Variants in NUP133 observed in about 807,000 individuals in gnomAD.
NUP133 encodes the protein nucleoporin 133, also known as nuclear pore complex protein Nup133.
In NUP133, 66 loss-of-function variants were observed where a neutral mutation model predicts 146.2. The ratio of observed to expected loss-of-function variants is 0.45; its 90% confidence interval spans 0.37 to 0.55. NUP133 has a LOEUF of 0.55. Among genes scored for constraint, NUP133 ranks in the 20% least tolerant of loss-of-function variants. The pLI, the probability that NUP133 is intolerant of heterozygous loss-of-function variation, is 0.00. For synonymous variants in NUP133, 521 were observed against 498.8 expected (o/e 1.04, Z -0.59); for missense variants, 1,277 against 1,374.8 (o/e 0.93, Z 1.12).
chr1:229,448,862 A>G (rs1660374104), intron 24 of NUP133: 2 of 473,390 alleles, frequency 4.2e-6, no homozygotes, highest in East Asian at 8.2e-5. Context: ...AACACAGGCA[A>G]AACCCCCTGG....
rs146481106 is a variant in NUP133 at position 229,494,966 on chromosome 1, A to G, written c.1046+529T>C. Among the ~76,000 whole-genome samples, 850 of 152,328 alleles carry G rather than the reference A, an allele frequency of 5.6e-3. 5 individuals carry two copies. The highest frequency in any genetic ancestry group is 0.02 in the African/African-American group (826 of 41,572). On this transcript the variant is annotated intron_variant, in intron 8 of 25. Coordinates refer to ENST00000261396, the MANE Select transcript of NUP133 (RefSeq NM_018230.3). ...AGAAAAGCTTTGTCTCTAACGAATG[A>G]GACACGAAGGTAAGAATATACTATT... is the stretch of plus-strand genomic sequence containing the variant.
intron 18 of NUP133, 56 bp downstream of exon 18, chr1:229,464,568 C>CA: frequency 7.6e-6 from 12 of 1,579,660 alleles, no homozygotes; most frequent in Non-Finnish European, 1.0e-5. Context: ...ATTAACTATT[C>CA]AACCCTTTCA....
chr1:229,475,461 G>A (rs1428312160), intron 14 of NUP133, among the ~76,000 whole-genome samples, 177 bp downstream of exon 14: 4 of 152,150 alleles, frequency 2.6e-5, no homozygotes, highest in Non-Finnish European at 5.9e-5. Flanking sequence ...CTTATACCTG[G>A]ATTAACAGGC....
Position 229,463,534 on chromosome 1 carries a change from A to G in NUP133, c.2685+9T>C, listed in dbSNP as rs1355205875. On this transcript the variant is annotated intron_variant, in intron 19 of 25. Coordinates refer to ENST00000261396, the MANE Select transcript of NUP133 (RefSeq NM_018230.3). ...AGGACTCAGTGGCCACACACCCAAC[A>G]CTCATCACCTGATCAGCAAACTGGG... is the stretch of plus-strand genomic sequence containing the variant. The G allele has an allele frequency of 1.2e-6, 2 of 1,610,910 alleles. No homozygotes were observed. Among genetic ancestry groups the G allele is most frequent in the African/African-American group, 2.7e-5 (2 of 74,588 alleles).
chr1:229,443,879 C>G (rs1324405903), intron 25 of NUP133, among the ~76,000 whole-genome samples: 3 of 149,396 alleles, frequency 2.0e-5, no homozygotes, highest in South Asian at 2.1e-4. Context: ...CAGGCATGCA[C>G]CCCTGTGCTC....
At chr1:229,488,428 AATG>A (rs1394275890) in intron 9 of NUP133, among the ~76,000 whole-genome samples, 1 of 152,202 alleles carries the variant, frequency 6.6e-6, no homozygotes, top group African/African-American at 2.4e-5. Flanking sequence ...ATATGCTAAA[AATG>A]ATAAGCTGTT....
At chr1:229,482,310 C>T (rs1661234390) in intron 12 of NUP133, among the ~76,000 whole-genome samples, 2 of 151,978 alleles carry the variant, frequency 1.3e-5, no homozygotes, top group Admixed American at 1.3e-4. Context: ...GAACCATGGG[C>T]TCAGAACTGG....
At chr1:229,493,459 C>T (rs535252040) in intron 8 of NUP133, among the ~76,000 whole-genome samples, 129 of 152,282 alleles carry the variant, frequency 8.5e-4, no homozygotes, top group African/African-American at 3.0e-3. Context: ...GGATTATATG[C>T]GTGAGCCACC....
chr1:229,504,232 T>C (rs529855093), intron 2 of NUP133, among the ~76,000 whole-genome samples: 5 of 152,296 alleles, frequency 3.3e-5, no homozygotes, highest in Admixed American at 2.0e-4. Flanking sequence ...ATATACAATT[T>C]AAGTAAAACG....
chr1:229,495,613 T>A (rs1203931875), intron 7 of NUP133, 48 bp from the exon 8 acceptor site: 1 of 1,384,334 alleles, frequency 7.2e-7, no homozygotes, highest in South Asian at 1.2e-5. Flanking sequence ...CAGGAATGAT[T>A]TATTTTCACC....
chr1:229,446,641 G>A (rs1049633839), intron 24 of NUP133, among the ~76,000 whole-genome samples: 1 of 151,874 alleles, frequency 6.6e-6, no homozygotes, highest in Non-Finnish European at 1.5e-5. Context: ...GGCTGAGGCG[G>A]GAGAATGGCA....
intron 1 of NUP133, among the ~76,000 whole-genome samples, chr1:229,506,383 T>C (rs1043648554): frequency 2.0e-5 from 3 of 151,334 alleles, no homozygotes; most frequent in Admixed American, 6.6e-5. Context: ...AATGCATGCC[T>C]GTATTCACTT....
chr1:229,458,311 G>A lies in NUP133; in HGVS notation c.2845-15C>T, dbSNP rs368060809. On this transcript the variant is annotated splice_polypyrimidine_tract_variant and intron_variant, in intron 20 of 25. Transcript: ENST00000261396. ...GTTGCATGAGCCTACAATAAAATATGCAAACCATCGTAAGATACTGAGTAC... is the reference window on the plus strand; with the variant it reads ...GTTGCATGAGCCTACAATAAAATATACAAACCATCGTAAGATACTGAGTAC... 8.1e-6 allele frequency: 13 copies of A among 1,608,910 alleles called. No individual in the cohort carries two copies. Among genetic ancestry groups the A allele is most frequent in the Non-Finnish European group, 1.1e-5 (13 of 1,177,374 alleles).
Position 229,508,219 on chromosome 1 carries a change from G to C in NUP133, c.31C>G (p.Pro11Ala), listed in dbSNP as rs753709060. Residue 11 changes from proline to alanine, a missense_variant, in exon 1 of 26, where the codon CCG becomes GCG. Pro to Ala is a conservative substitution (Grantham distance 27). Transcript: ENST00000261396. ...GGGCCCCTTCGGGACCCGGTACCCG[G>C]GGTCCGCGGAGAAGGGGCGGCTGGG... MFPAAPSPRT[P>A]GTGSRRGPLA... is the part of the protein sequence containing the mutation. 1.9e-6 allele frequency: 3 copies of C among 1,549,860 alleles called. No homozygotes were observed. Among genetic ancestry groups the C allele is most frequent in the Non-Finnish European group, 2.6e-6 (3 of 1,151,516 alleles).
intron 9 of NUP133, among the ~76,000 whole-genome samples, chr1:229,488,122 A>T (rs1014653175): frequency 2.6e-5 from 4 of 152,176 alleles, no homozygotes; most frequent in African/African-American, 4.8e-5. Context: ...CTGGGATTAC[A>T]GGCGTGAGCC....
In NUP133 at chr1:229,496,004, C is replaced by G. The variant is rs141292601; in HGVS notation, c.863G>C (p.Ser288Thr). 100 of 1,607,620 alleles carry G rather than the reference C, an allele frequency of 6.2e-5. No individual in the cohort carries two copies. The highest frequency in any genetic ancestry group is 8.2e-5 in the Non-Finnish European group (97 of 1,178,070). Residue 288 changes from serine (S) to threonine (T), a missense_variant, in exon 7 of 26, where the codon AGC becomes ACC. By Grantham distance (58) the Ser-to-Thr change is moderately conservative. Transcript: ENST00000261396. ...TTTACTGATGTTTGAACTCGTCAGG[C>G]TATAAAAGCTTGATCTCTCTCTATC... is the stretch of plus-strand genomic sequence containing the variant. The part of the protein sequence containing the change: ...LWDRERSSFY[S>T]LTSSNISKWE...
In NUP133 at chr1:229,508,317, G is replaced by A; in HGVS notation, c.-68C>T. The A allele has an allele frequency of 8.1e-7, 1 of 1,239,944 alleles. No individual in the cohort carries two copies. Among genetic ancestry groups the A allele is most frequent in the Non-Finnish European group, 1.1e-6 (1 of 941,968 alleles). The allele number at this position is 1,239,944 out of a possible 1,614,324, so 76.8% of individuals were successfully genotyped here. A position where few individuals can be genotyped will look rare whatever the true frequency, so the allele number is the denominator to read the frequency against. On this transcript the variant is annotated 5_prime_UTR_variant, in exon 1 of 26. Transcript: ENST00000261396. ...TCAGGTTGCAGCCTGGCCTGCGCGC[G>A]GAACTTAAACACCTAAGGGAAGAGA... is the stretch of plus-strand genomic sequence containing the variant.
chr1:229,477,836 T>G lies in NUP133; in HGVS notation c.1593-76A>C, dbSNP rs571137599. On this transcript the variant is annotated intron_variant, in intron 12 of 25. Coordinates refer to ENST00000261396, the MANE Select transcript of NUP133 (RefSeq NM_018230.3). ...AAACTCACCAAGAAAAAATTAATTA[T>G]GGACTACTATTCAGCCAAAAAAAAG... 201 of 1,136,678 alleles carry G rather than the reference T, an allele frequency of 1.8e-4. 1 individual carries two copies. The African/African-American group carries it at 2.8e-3, about 16-fold the overall frequency. The allele number at this position is 1,136,678 out of a possible 1,614,324, so 70.4% of individuals were successfully genotyped here.
At chr1:229,486,221 C>T in intron 11 of NUP133, 150 bp downstream of exon 11, 1 of 651,114 alleles carries the variant, frequency 1.5e-6, no homozygotes, top group Non-Finnish European at 2.4e-6. Flanking sequence ...ACTGGGAAGT[C>T]TGAGGCAGGA....
Sources: allele counts gnomAD v4.1 joint callset (sites outside exome capture counted in the v4.1 genomes callset), GRCh38; gene constraint gnomAD v4.1.1; transcripts MANE v1.5; gene names NCBI Gene and HGNC (gene_info 2026-07-23, HGNC 2026-07-21).